The following GNPTAB variants were observed in gnomAD, a reference collection of about 807,000 sequenced individuals.
GNPTAB encodes the protein N-acetylglucosamine-1-phosphotransferase subunits alpha/beta.
In GNPTAB, 92 loss-of-function variants were observed where a neutral mutation model predicts 136.6. That is an observed-to-expected ratio of 0.67 (90% CI 0.57 to 0.80). The LOEUF (loss-of-function observed/expected upper bound fraction) is 0.80. GNPTAB is among the 30% of genes least tolerant of loss of function. The pLI is 0.00. For missense variants in GNPTAB, 1,343 were observed against 1,501.8 expected (o/e 0.89, Z 1.75); for synonymous variants, 512 against 535.1 (o/e 0.96, Z 0.60).
rs533124195 is a variant in GNPTAB, at chr12:101,766,302, T to C, written c.1409-8A>G. ...GACTCCCTCCACTGTTTCCTGTAGA[T>C]CGGAGGAAGAAGAGGGATTCTTGCT... On this transcript the variant is annotated splice_polypyrimidine_tract_variant and splice_region_variant and intron_variant, in intron 11 of 20. Transcript: ENST00000299314. 1 of 1,610,666 alleles carries C rather than the reference T, an allele frequency of 6.2e-7. No homozygotes were observed. Among genetic ancestry groups the C allele is most frequent in the Non-Finnish European group, 8.5e-7 (1 of 1,177,058 alleles).
At chr12:101,773,957 C>A (rs886108332) in intron 7 of GNPTAB, among the ~76,000 whole-genome samples, 4 of 152,180 alleles carry the variant, frequency 2.6e-5, no homozygotes, top group African/African-American at 7.2e-5. Context: ...AAGGGAACAA[C>A]TTCTATACCC....
rs550296256 is a variant in GNPTAB, at chr12:101,790,010, C to T, written c.251G>A (p.Gly84Asp). The T allele has an allele frequency of 1.2e-5, 19 of 1,614,142 alleles. No individual in the cohort carries two copies. The highest frequency in any genetic ancestry group is 1.6e-5 in the Non-Finnish European group (19 of 1,179,992). Residue 84 changes from glycine (G) to aspartate (D), a missense_variant, in exon 3 of 21, where the codon GGC becomes GAC. Physicochemically the swap from Gly to Asp is moderately conservative, Grantham distance 94. Coordinates refer to ENST00000299314, the MANE Select transcript of GNPTAB (RefSeq NM_024312.5). The stretch of plus-strand genomic sequence containing the variant: ...TTCCTTCAGTAGTTCAAGATCTGTG[C>T]CATTCACCCAGGTGTAAACAACGTC... ...PIDVVYTWVNGTDLELLKELQ... is the reference protein window; with the variant it reads ...PIDVVYTWVNDTDLELLKELQ...
intron 13 of GNPTAB, 54 bp downstream of exon 13, chr12:101,764,148 G>A: frequency 1.2e-6 from 2 of 1,609,630 alleles, no homozygotes; most frequent in Non-Finnish European, 1.7e-6. Context: ...ATATTATCAT[G>A]AGATTATTTA....
intron 1 of GNPTAB, among the ~76,000 whole-genome samples, chr12:101,802,199 T>TAAAAAAAAAAAAAAAAAAAAAAAA (rs112485347): frequency 9.2e-6 from 1 of 108,200 alleles, no homozygotes; most frequent in Non-Finnish European, 1.9e-5. Flanking sequence ...CCCTGTCTCT[T>TAAAAAAAAAAAAAAAAAAAAAAAA]AAAAAAAAAA....
chr12:101,761,796 T>C (rs1446726579), intron 13 of GNPTAB, 33 bp from the exon 14 acceptor site: 1 of 1,442,196 alleles, frequency 6.9e-7, no homozygotes, highest in Non-Finnish European at 9.7e-7. Context: ...AACTCAGCAT[T>C]ATGTTTAGTG....
chr12:101,759,686 G>A (rs538379781), intron 16 of GNPTAB, among the ~76,000 whole-genome samples: 22 of 152,288 alleles, frequency 1.4e-4, no homozygotes, highest in Admixed American at 8.5e-4. Flanking sequence ...TTTGATGAAC[G>A]ATGATATTCC....
rs1406856562 is a variant in GNPTAB at position 101,761,265 on chromosome 12, A to G, written c.2997T>C (p.Tyr999=). ...GTGGCTGCACTGCACTCATGAGATA[A>G]TAAAAATAAGAGAAGGCAAACTGCA... The part of the protein sequence containing the change: ...EDMQFAFSYF[Y]YLMSAVQPLN... Residue 999 remains tyrosine, a synonymous_variant, in exon 15 of 21, where the codon TAT becomes TAC. Transcript: ENST00000299314. The G allele has an allele frequency of 6.2e-7, 1 of 1,614,144 alleles. No individual in the cohort carries two copies. The highest frequency in any genetic ancestry group is 1.7e-5 in the Admixed American group (1 of 60,018).
At chr12:101,793,466 C>G (rs1452320824) in intron 2 of GNPTAB, among the ~76,000 whole-genome samples, 1 of 152,088 alleles carries the variant, frequency 6.6e-6, no homozygotes, top group Non-Finnish European at 1.5e-5. Context: ...ACATAATATA[C>G]TGCATGTATT....
At chr12:101,820,020 T>A (rs1870714523) in intron 1 of GNPTAB, among the ~76,000 whole-genome samples, 1 of 152,154 alleles carries the variant, frequency 6.6e-6, no homozygotes, top group African/African-American at 2.4e-5. Flanking sequence ...CACAGGGTGG[T>A]CTCCTGTCCT....
At chr12:101,780,447 C>A in intron 6 of GNPTAB, 110 bp downstream of exon 6, 1 of 1,067,254 alleles carries the variant, frequency 9.4e-7, no homozygotes, top group South Asian at 1.4e-5. Flanking sequence ...AGTAAGCTAC[C>A]CTTAGATAAA....
intron 17 of GNPTAB, 21 bp downstream of exon 17, chr12:101,757,551 G>C (rs1204629099): frequency 3.6e-6 from 4 of 1,106,590 alleles, no homozygotes; most frequent in Non-Finnish European, 5.6e-6. Context: ...TAAACAAAGG[G>C]AGTATGCGTG....
chr12:101,826,971 T>G (rs1408582969), intron 1 of GNPTAB, among the ~76,000 whole-genome samples: 2 of 142,910 alleles, frequency 1.4e-5, no homozygotes, highest in East Asian at 2.0e-4. Flanking sequence ...TTTTTTTTTT[T>G]TTTTTTTGAG....
At chr12:101,822,220 T>C (rs1237468648) in intron 1 of GNPTAB, among the ~76,000 whole-genome samples, 1 of 152,152 alleles carries the variant, frequency 6.6e-6, no homozygotes, top group Non-Finnish European at 1.5e-5. Flanking sequence ...AAGACCATCC[T>C]GGCTAACACG....
intron 7 of GNPTAB, chr12:101,779,518 G>T (rs1953308057): frequency 1.9e-5 from 3 of 154,072 alleles, no homozygotes; most frequent in African/African-American, 4.8e-5. Flanking sequence ...TGGCATCAAT[G>T]GTCAAGCCTG....
intron 7 of GNPTAB, 106 bp downstream of exon 7, chr12:101,780,046 T>A: frequency 8.9e-7 from 1 of 1,123,228 alleles, no homozygotes. Flanking sequence ...CTTTGCTTCT[T>A]ATGTTTATCA....
At chr12:101,762,521 A>G (rs759495997) in intron 13 of GNPTAB, among the ~76,000 whole-genome samples, 2 of 152,198 alleles carry the variant, frequency 1.3e-5, no homozygotes, top group South Asian at 4.1e-4. Context: ...TATATGTACA[A>G]GAGAATTCAC....
In GNPTAB at chr12:101,786,002, A is replaced by C. The variant is rs1868618067; in HGVS notation, c.571+10T>G. ...AACATGATTTTAAAATATCCATAAA[A>C]AGATCTTACCATCCTTAGTACTGTC... On this transcript the variant is annotated intron_variant, in intron 5 of 20. Coordinates refer to ENST00000299314, the MANE Select transcript of GNPTAB (RefSeq NM_024312.5). The C allele has an allele frequency of 6.3e-7, 1 of 1,585,950 alleles. No individual in the cohort carries two copies. Among genetic ancestry groups the C allele is most frequent in the Admixed American group, 1.7e-5 (1 of 59,886 alleles).
chr12:101,767,950 T>G, intron 11 of GNPTAB, 87 bp downstream of exon 11: 1 of 1,360,196 alleles, frequency 7.4e-7, no homozygotes, highest in Non-Finnish European at 1.1e-6. Context: ...AAAGAATGTT[T>G]GGTTAAGTCT....
intron 2 of GNPTAB, among the ~76,000 whole-genome samples, chr12:101,791,725 T>C (rs1566088325): frequency 6.6e-6 from 1 of 152,232 alleles, no homozygotes; most frequent in Non-Finnish European, 1.5e-5. Flanking sequence ...GCCTAGACTT[T>C]CAGTTGCTAC....
Sources: allele counts gnomAD v4.1 joint callset (sites outside exome capture counted in the v4.1 genomes callset), GRCh38; gene constraint gnomAD v4.1.1; transcripts MANE v1.5; gene names NCBI Gene and HGNC (gene_info 2026-07-23, HGNC 2026-07-21).